Variants in ATN1 observed in about 807,000 individuals in gnomAD.
ATN1 encodes the protein atrophin-1.
ATN1 carries 19 observed loss-of-function variants against 85.8 expected under a neutral mutation model. The ratio of observed to expected loss-of-function variants is 0.22; its 90% confidence interval spans 0.15 to 0.32. The LOEUF (loss-of-function observed/expected upper bound fraction) is 0.32. Ranked by LOEUF, ATN1 falls within the 10% of genes least tolerant of loss-of-function variation. The pLI, the probability that ATN1 is intolerant of heterozygous loss-of-function variation, is 1.00. For synonymous variants in ATN1, 674 were observed against 657.0 expected (o/e 1.03, Z -0.39); for missense variants, 1,453 against 1,564.5 (o/e 0.93, Z 1.20).
intron 1 of ATN1, among the ~76,000 whole-genome samples, chr12:6,931,850 A>G (rs1264845264): frequency 6.6e-6 from 1 of 151,672 alleles, no homozygotes; most frequent in Non-Finnish European, 1.5e-5. Context: ...CCTGACTAAC[A>G]TGGTGAAACC....
upstream of ATN1, among the ~76,000 whole-genome samples, chr12:6,925,456 G>T (rs1482723730): frequency 6.6e-6 from 1 of 152,038 alleles, no homozygotes; most frequent in Non-Finnish European, 1.5e-5. Context: ...GGGAGCCCTG[G>T]AACAAAGTCA....
rs1436789075 is a variant in ATN1 at position 6,936,830 on chromosome 12, C to T, written c.1563C>T (p.Gly521=). 2 of 1,613,978 alleles carry T rather than the reference C, an allele frequency of 1.2e-6. No individual in the cohort carries two copies. The highest frequency in any genetic ancestry group is 1.7e-6 in the Non-Finnish European group (2 of 1,179,962). ...PPGAFPHPLE[G]GSSHHAHPYA... is the part of the protein sequence containing the mutation. ...GAGCATTTCCCCACCCACTGGAGGG[C>T]GGTAGCTCCCACCACGCACACCCTT... is the stretch of plus-strand genomic sequence containing the variant. The change falls in exon 5 of 10, where the codon GGC becomes GGT. Residue 521 remains glycine (G), a synonymous_variant. Coordinates refer to ENST00000396684, the MANE Select transcript of ATN1 (RefSeq NM_001940.4).
At position 6,935,561 on chromosome 12, in the gene ATN1, G is replaced by A; in HGVS notation, c.294G>A (p.Arg98=). 6.2e-7 allele frequency: 1 copy of A among 1,610,434 alleles called. No homozygotes were observed. Among genetic ancestry groups the A allele is most frequent in the Non-Finnish European group, 8.5e-7 (1 of 1,177,068 alleles). The change falls in exon 5 of 10, where the codon CGG becomes CGA. Residue 98 remains arginine (R), a synonymous_variant. Transcript: ENST00000396684. This position sits in a 1 kb window ranked among gnomAD's most constrained non-coding sequence, Gnocchi z 5.3. ...CTTTTCTACAGCAGGAACTCCCTCG[G>A]CCACAGTCTCCCTCCGATCTGGATA... ...KKTKTEQELP[R]PQSPSDLDSL...
rs1945637337 is a variant in ATN1, at chr12:6,941,681, G to A, written c.3540-66G>A. On this transcript the variant is annotated intron_variant, in intron 9 of 9. Transcript: ENST00000396684. The surrounding 1 kb of genome is among the most constrained non-coding windows in gnomAD (Gnocchi z 5.9). ...CCTCCTCTCCCAACCCCTTCGGTAA[G>A]AGGGGGCAAGGTCAGAGTTGGTCTC... The A allele has an allele frequency of 6.3e-7, 1 of 1,595,670 alleles. No homozygotes were observed. Among genetic ancestry groups the A allele is most frequent in the African/African-American group, 1.3e-5 (1 of 74,470 alleles).
At position 6,928,122 on chromosome 12, in the gene ATN1, G is replaced by T. The variant is rs1443465150; in HGVS notation, c.-425G>T. Among the ~76,000 whole-genome samples the T allele has an allele frequency of 2.1e-5, 3 of 145,594 alleles. No individual in the cohort carries two copies. The highest frequency in any genetic ancestry group is 7.4e-5 in the African/African-American group (3 of 40,366). ...CCGGGGCATTCCGGGCGGCCAGGGG[G>T]AGGCGGCGAGCCCGGGGAGGTGGGG... is the stretch of plus-strand genomic sequence containing the variant. On this transcript the variant is annotated 5_prime_UTR_variant, in exon 1 of 10. Coordinates refer to ENST00000396684, the MANE Select transcript of ATN1 (RefSeq NM_001940.4).
At position 6,937,086 on chromosome 12, in the gene ATN1, GTCA is replaced by G. The variant is rs1555143885; in HGVS notation, c.1820_1822del (p.Val607_Thr608delinsAla). 1 of 1,612,770 alleles carries G rather than the reference GTCA, an allele frequency of 6.2e-7. No homozygotes were observed. Among genetic ancestry groups the G allele is most frequent in the African/African-American group, 1.3e-5 (1 of 74,896 alleles). The stretch of plus-strand genomic sequence containing the variant: ...CTACCCTTTCCCACCGGTGCCTACG[GTCA>G]CCACCTCTTCGGCTACCCTTTCCAC... On this transcript the variant is annotated inframe_deletion, in exon 5 of 10. Transcript: ENST00000396684. This position sits in a 1 kb window ranked among gnomAD's most constrained non-coding sequence, Gnocchi z 6.0.
At chr12:6,938,094 G>T (rs1555144160) in intron 6 of ATN1, 27 bp downstream of exon 6, 1 of 1,527,034 alleles carries the variant, frequency 6.5e-7, no homozygotes. Flanking sequence ...CTGCGCCACC[G>T]CCTTCTTTCC....
At chr12:6,925,055 G>T (rs1005305650), upstream of ATN1, among the ~76,000 whole-genome samples, 1 of 152,068 alleles carries the variant, frequency 6.6e-6, no homozygotes, top group Non-Finnish European at 1.5e-5. Flanking sequence ...AATGGGTTGT[G>T]GGGGGCTGAG....
Position 6,936,268 on chromosome 12 carries a change from C to T in ATN1, c.1001C>T (p.Ala334Val). Reference sequence around the variant, plus strand: ...CCTGGTCATCTGCCCTCTCCCCACGCCATGGGACAGGGTATGGGTGGACTT... The same window carrying T: ...CCTGGTCATCTGCCCTCTCCCCACGTCATGGGACAGGGTATGGGTGGACTT... ...PLPGHLPSPH[A>V]MGQGMGGLPP... Residue 334 changes from alanine (A) to valine (V), a missense_variant, in exon 5 of 10, where the codon GCC (alanine) becomes GTC (valine). Physicochemically the swap from Ala to Val is moderately conservative, Grantham distance 64 (BLOSUM62 0). Coordinates refer to ENST00000396684, the MANE Select transcript of ATN1 (RefSeq NM_001940.4). 1.2e-6 allele frequency: 2 copies of T among 1,612,162 alleles called. No homozygotes were observed. The highest frequency in any genetic ancestry group is 1.7e-6 in the Non-Finnish European group (2 of 1,178,720).
At position 6,935,576 on chromosome 12, in the gene ATN1, C is replaced by A. The variant is rs200573795; in HGVS notation, c.309C>A (p.Ser103=). The part of the protein sequence containing the change: ...EQELPRPQSP[S]DLDSLDGRSL... Reference sequence around the variant, plus strand: ...AACTCCCTCGGCCACAGTCTCCCTCCGATCTGGATAGCTTGGACGGGCGGA... The same window carrying A: ...AACTCCCTCGGCCACAGTCTCCCTCAGATCTGGATAGCTTGGACGGGCGGA... The change falls in exon 5 of 10, where the codon TCC becomes TCA. Residue 103 remains serine, a synonymous_variant. Coordinates refer to ENST00000396684, the MANE Select transcript of ATN1 (RefSeq NM_001940.4). The surrounding 1 kb of genome is among the most constrained non-coding windows in gnomAD (Gnocchi z 5.3). 2 of 1,613,428 alleles carry A rather than the reference C, an allele frequency of 1.2e-6. No homozygotes were observed. Among genetic ancestry groups the A allele is most frequent in the Non-Finnish European group, 1.7e-6 (2 of 1,179,454 alleles).
Position 6,937,545 on chromosome 12 carries a change from G to A in ATN1, c.2278G>A (p.Ala760Thr), listed in dbSNP as rs1305947696. 4.6e-6 allele frequency: 7 copies of A among 1,512,376 alleles called. No homozygotes were observed. The highest frequency in any genetic ancestry group is 6.2e-6 in the Non-Finnish European group (7 of 1,130,478). 93.7% of individuals were successfully genotyped at this position (1,512,376 alleles called of 1,614,324 possible). ...CAAGGTGGTAGATGTACCCAGCCAT[G>A]CCAGTCAGTCTGCCAGGTGAGCGGC... is the stretch of plus-strand genomic sequence containing the variant. ...PPKVVDVPSH[A>T]SQSARFNKHL... Residue 760 changes from alanine to threonine, a missense_variant, in exon 5 of 10, where the codon GCC (alanine) becomes ACC (threonine). Ala to Thr is a moderately conservative substitution (Grantham distance 58). This residue lies in a region of ATN1 where 990 missense variants were observed against 914.8 expected (regional missense o/e 1.08). Coordinates refer to ENST00000396684, the MANE Select transcript of ATN1 (RefSeq NM_001940.4). The surrounding 1 kb of genome is among the most constrained non-coding windows in gnomAD (Gnocchi z 6.0).
In ATN1 at chr12:6,934,557, A is replaced by T; in HGVS notation, c.258A>T (p.Ala86=). ...AGAGTGAAAGTGAGGAGACCAATGC[A>T]CCAAAAAAGACCAAAACTGAGGTGG... ...ISESESEETN[A]PKKTKTEQEL... The change falls in exon 4 of 10, where the codon GCA becomes GCT. Residue 86 remains alanine, a synonymous_variant. Coordinates refer to ENST00000396684, the MANE Select transcript of ATN1 (RefSeq NM_001940.4). The surrounding 1 kb of genome is among the most constrained non-coding windows in gnomAD (Gnocchi z 4.5). The T allele has an allele frequency of 6.4e-7, 1 of 1,561,794 alleles. No individual in the cohort carries two copies. The highest frequency in any genetic ancestry group is 8.7e-7 in the Non-Finnish European group (1 of 1,152,410).
At position 6,938,041 on chromosome 12, in the gene ATN1, A is replaced by C. The variant is rs1945576601; in HGVS notation, c.2491A>C (p.Lys831Gln). ...ACGCGAGAAAGAGCGCGAGCGCGAGAAGGAGCGCGAGCTTGAACGCAGCGT... is the reference window on the plus strand; with the variant it reads ...ACGCGAGAAAGAGCGCGAGCGCGAGCAGGAGCGCGAGCTTGAACGCAGCGT... Reference protein sequence around the residue: ...REREKEREREKERELERSVKL... With the variant: ...REREKEREREQERELERSVKL... The change falls in exon 6 of 10, where the codon AAG becomes CAG. Residue 831 changes from lysine (K) to glutamine (Q), a missense_variant. Physicochemically the swap from Lys to Gln is moderately conservative, Grantham distance 53. Coordinates refer to ENST00000396684, the MANE Select transcript of ATN1 (RefSeq NM_001940.4). 3 of 1,546,032 alleles carry C rather than the reference A, an allele frequency of 1.9e-6. No individual in the cohort carries two copies. The highest frequency in any genetic ancestry group is 2.6e-6 in the Non-Finnish European group (3 of 1,146,040).
Position 6,933,889 on chromosome 12 carries a change from A to G in ATN1, c.-113A>G. On this transcript the variant is annotated 5_prime_UTR_variant, in exon 2 of 10. Transcript: ENST00000396684. The stretch of plus-strand genomic sequence containing the variant: ...AAAGTTCCAGGTGCCCACACTGGAA[A>G]CTTGGAGATCCTGCTTCCCAGACCA... 1 of 1,341,896 alleles carries G rather than the reference A, an allele frequency of 7.5e-7. No individual in the cohort carries two copies. The highest frequency in any genetic ancestry group is 1.0e-6 in the Non-Finnish European group (1 of 966,954). The allele number at this position is 1,341,896 out of a possible 1,614,324, so 83.1% of individuals were successfully genotyped here.
At chr12:6,938,105 C>CTCTT in intron 6 of ATN1, 38 bp downstream of exon 6, 1 of 1,517,308 alleles carries the variant, frequency 6.6e-7, no homozygotes, top group Non-Finnish European at 8.8e-7. Context: ...CCTTCTTTCC[C>CTCTT]TCTTTCCTTC....
At chr12:6,930,040 T>A (rs140481354) in intron 1 of ATN1, among the ~76,000 whole-genome samples, 2,041 of 152,336 alleles carry the variant, frequency 0.013, 20 homozygotes, top group Admixed American at 0.02. Flanking sequence ...GTGAAACAGC[T>A]TCATGCAGGG....
Position 6,936,340 on chromosome 12 carries a change from C to T in ATN1, c.1073C>T (p.Ser358Phe), listed in dbSNP as rs142366172. 1 of 1,613,924 alleles carries T rather than the reference C, an allele frequency of 6.2e-7. No homozygotes were observed. Among genetic ancestry groups the T allele is most frequent in the Non-Finnish European group, 8.5e-7 (1 of 1,179,968 alleles). The change falls in exon 5 of 10, where the codon TCT becomes TTT. Residue 358 changes from serine (S) to phenylalanine (F), a missense_variant. By Grantham distance (155) the Ser-to-Phe change is radical. Around this residue, in one of 6 missense-constraint regions of ATN1, gnomAD observed 990 missense variants for 914.8 expected, o/e 1.08. Coordinates refer to ENST00000396684, the MANE Select transcript of ATN1 (RefSeq NM_001940.4). ...CCAACTCTGGCTCCTTCACCCCACT[C>T]TCTGCCTCCTGCTTCCTCTTCTGCT... ...KGPTLAPSPHSLPPASSSAPA... is the reference protein window; with the variant it reads ...KGPTLAPSPHFLPPASSSAPA...
Position 6,936,709 on chromosome 12 carries a change from A to G in ATN1, c.1442A>G (p.His481Arg), listed in dbSNP as rs1945539099. 1 of 1,610,314 alleles carries G rather than the reference A, an allele frequency of 6.2e-7. No individual in the cohort carries two copies. The highest frequency in any genetic ancestry group is 2.2e-5 in the East Asian group (1 of 44,758). Residue 481 changes from histidine to arginine, a missense_variant, in exon 5 of 10, where the codon CAT becomes CGT. Around this residue, in one of 6 missense-constraint regions of ATN1, gnomAD observed 990 missense variants for 914.8 expected, o/e 1.08. Coordinates refer to ENST00000396684, the MANE Select transcript of ATN1 (RefSeq NM_001940.4). ...TAHPPVSTHH[H>R]HHQQQQQQQQ... is the part of the protein sequence containing the mutation. Reference sequence around the variant, plus strand: ...CACCCACCAGTCTCAACACATCACCATCACCACCAGCAACAGCAACAGCAG... The same window carrying G: ...CACCCACCAGTCTCAACACATCACCGTCACCACCAGCAACAGCAACAGCAG...
intron 7 of ATN1, among the ~76,000 whole-genome samples, chr12:6,939,699 G>A (rs889425833): frequency 3.3e-5 from 5 of 151,938 alleles, no homozygotes; most frequent in East Asian, 1.9e-4. Flanking sequence ...ACGGGGTTTC[G>A]CCATGTTGGC....
Sources: gnomAD v4.1 joint callset for allele counts (sites outside exome capture counted in the v4.1 genomes callset) on GRCh38, gnomAD v4.1.1 for gene constraint, gnomAD v4.1.1 regional missense constraint, Gnocchi (gnomAD v3.1) non-coding constraint, MANE v1.5 for transcripts, NCBI Gene and HGNC (gene_info 2026-07-23, HGNC 2026-07-21) for gene names.